The following INTS6 variants were observed in gnomAD, a reference collection of about 807,000 sequenced individuals.
INTS6 encodes the protein integrator complex subunit 6.
In INTS6, 16 loss-of-function variants were observed where a neutral mutation model predicts 104.9. That is an observed-to-expected ratio of 0.15 (90% CI 0.10 to 0.23). INTS6 has a LOEUF of 0.23. INTS6 is among the 10% of genes least tolerant of loss of function. The probability of loss-of-function intolerance (pLI) is 1.00; values close to 1 mark genes in which losing one functional copy is unlikely to be tolerated. For missense variants in INTS6, 584 were observed against 1,062.8 expected (o/e 0.55, Z 6.26); for synonymous variants, 324 against 358.7 (o/e 0.90, Z 1.09).
intron 17 of INTS6, among the ~76,000 whole-genome samples, chr13:51,366,979 A>C (rs761134084): frequency 6.6e-6 from 1 of 152,008 alleles, no homozygotes; most frequent in Non-Finnish European, 1.5e-5. Context: ...GCACTTCTTA[A>C]TTACCATTTA....
At chr13:51,360,909 T>C (rs1038246063), downstream of INTS6, among the ~76,000 whole-genome samples, 3 of 152,050 alleles carry the variant, frequency 2.0e-5, no homozygotes, top group Non-Finnish European at 2.9e-5. Flanking sequence ...TACCCTATGA[T>C]CACTGAAGTT....
chr13:51,400,629 CA>C (rs1290326598), intron 4 of INTS6, among the ~76,000 whole-genome samples: 1 of 151,886 alleles, frequency 6.6e-6, no homozygotes, highest in Non-Finnish European at 1.5e-5. Context: ...ATTTCTGTGT[CA>C]AAAACAGTAT....
At chr13:51,407,122 G>C (rs1956584615) in intron 4 of INTS6, among the ~76,000 whole-genome samples, 1 of 150,896 alleles carries the variant, frequency 6.6e-6, no homozygotes, top group African/African-American at 2.4e-5. Flanking sequence ...CCTCTGTCTG[G>C]TACAATCCTC....
At chr13:51,400,027 C>G (rs528853259) in intron 4 of INTS6, among the ~76,000 whole-genome samples, 1 of 152,288 alleles carries the variant, frequency 6.6e-6, no homozygotes, top group East Asian at 1.9e-4. Flanking sequence ...AGCTCCACCT[C>G]CTGTCAGATC....
chr13:51,343,349 T>C, the INTS6 span, among the ~76,000 whole-genome samples: 1 of 152,186 alleles, frequency 6.6e-6, no homozygotes, highest in Non-Finnish European at 1.5e-5. Flanking sequence ...AATGAGAAGC[T>C]TGGGGTACGC....
At position 51,404,321 on chromosome 13, in the gene INTS6, TCCCTCCAC is replaced by T. The variant is rs201056000; in HGVS notation, c.430-8846_430-8839del. On this transcript the variant is annotated intron_variant, in intron 4 of 17. Transcript: ENST00000311234. ...AAAAAAAAAAAAAACAAAACTGTGCTCCCTCCACCCCAACACACATAGATACAAAGTTT... is the reference window on the plus strand; with the variant it reads ...AAAAAAAAAAAAAACAAAACTGTGCTCCCAACACACATAGATACAAAGTTT... 1.8e-3 allele frequency among the ~76,000 whole-genome samples: 268 copies of T among 149,092 alleles called. 7 individuals carry two copies. The East Asian group carries it at 0.041, about 23-fold the overall frequency.
intron 7 of INTS6, 84 bp from the exon 8 acceptor site, chr13:51,383,825 G>C: frequency 1.7e-6 from 2 of 1,187,692 alleles, no homozygotes; most frequent in Non-Finnish European, 2.4e-6. Flanking sequence ...AATTTACTCA[G>C]TTCCTCCGTC....
the INTS6 span, among the ~76,000 whole-genome samples, chr13:51,345,990 T>C: frequency 1.3e-5 from 2 of 152,160 alleles, no homozygotes; most frequent in Non-Finnish European, 2.9e-5. Flanking sequence ...GGTAACTGGG[T>C]GGATGGTGGC....
intron 3 of INTS6, among the ~76,000 whole-genome samples, chr13:51,431,156 A>G (rs1040906559): frequency 1.3e-5 from 2 of 152,182 alleles, no homozygotes; most frequent in African/African-American, 4.8e-5. Flanking sequence ...GTAAGGGACT[A>G]AGACAAACAT....
At chr13:51,394,501 G>A (rs1956300553) in intron 5 of INTS6, among the ~76,000 whole-genome samples, 1 of 152,128 alleles carries the variant, frequency 6.6e-6, no homozygotes, top group Non-Finnish European at 1.5e-5. Flanking sequence ...TGTGTCTGCA[G>A]ATTATGTCAC....
At chr13:51,344,816 G>A in the INTS6 span, among the ~76,000 whole-genome samples, 4 of 152,146 alleles carry the variant, frequency 2.6e-5, no homozygotes, top group East Asian at 3.9e-4. Context: ...ACTGTCCCCC[G>A]ACTGAGCTCT....
At chr13:51,348,507 A>C in the INTS6 span, 1 of 955,040 alleles carries the variant, frequency 1.0e-6, no homozygotes, top group East Asian at 2.5e-5. Flanking sequence ...GTCTGTGCTT[A>C]GCCACTGGGA....
At chr13:51,412,280 G>C (rs1387221530) in intron 4 of INTS6, among the ~76,000 whole-genome samples, 3 of 152,044 alleles carry the variant, frequency 2.0e-5, no homozygotes, top group Non-Finnish European at 2.9e-5. Context: ...TGAAATTGCT[G>C]TTTCATTATA....
At chr13:51,387,671 T>G in intron 6 of INTS6, 131 bp from the exon 7 acceptor site, 1 of 683,038 alleles carries the variant, frequency 1.5e-6, no homozygotes. Context: ...TTTCCTATTT[T>G]TCTTAAATGG....
rs1024252913 is a variant in INTS6 at position 51,421,549 on chromosome 13, A to G, written c.429+8745T>C. Among the ~76,000 whole-genome samples the G allele has an allele frequency of 3.3e-5, 5 of 152,194 alleles. No homozygotes were observed. In the East Asian group the frequency reaches 9.6e-4, roughly 29 times the overall value. Reference sequence around the variant, plus strand: ...CTAATATAAAAGTCTAAAAAGTTTAATATCTACAGTATTACATCTGAAAAG... The same window carrying G: ...CTAATATAAAAGTCTAAAAAGTTTAGTATCTACAGTATTACATCTGAAAAG... On this transcript the variant is annotated intron_variant, in intron 4 of 17. Transcript: ENST00000311234.
intron 16 of INTS6, among the ~76,000 whole-genome samples, chr13:51,368,530 A>G (rs1955737398): frequency 6.6e-6 from 1 of 152,196 alleles, no homozygotes; most frequent in East Asian, 1.9e-4. Flanking sequence ...TTTGGCCTAA[A>G]CATATCCTAT....
In INTS6 at chr13:51,452,099, A is replaced by T. The variant is rs749079609; in HGVS notation, c.112-44T>A. The T allele has an allele frequency of 6.4e-7, 1 of 1,573,576 alleles. No individual in the cohort carries two copies. ...AACAGGGCGGGCGACAGGGAAGCAC[A>T]GAGGCGAGGTTACGAGGCGGAGAAG... On this transcript the variant is annotated intron_variant, in intron 1 of 17. Coordinates refer to ENST00000311234, the MANE Select transcript of INTS6 (RefSeq NM_012141.3). The surrounding 1 kb of genome is among the most constrained non-coding windows in gnomAD (Gnocchi z 4.2).
intron 5 of INTS6, among the ~76,000 whole-genome samples, chr13:51,394,044 T>A (rs1956291521): frequency 6.7e-6 from 1 of 148,606 alleles, no homozygotes; most frequent in Admixed American, 6.7e-5. Flanking sequence ...AAAAAAAAAA[T>A]CAGAATTTTT....
intron 7 of INTS6, 90 bp from the exon 8 acceptor site, chr13:51,383,831 C>T: frequency 2.7e-6 from 3 of 1,120,268 alleles, no homozygotes; most frequent in Non-Finnish European, 3.8e-6. Flanking sequence ...CTCAGTTCCT[C>T]CGTCTTGCTA....
Sources: gnomAD v4.1 joint callset for allele counts (sites outside exome capture counted in the v4.1 genomes callset) on GRCh38, gnomAD v4.1.1 for gene constraint, Gnocchi (gnomAD v3.1) non-coding constraint, MANE v1.5 for transcripts, NCBI Gene and HGNC (gene_info 2026-07-23, HGNC 2026-07-21) for gene names.